The following EIF2AK1 variants were observed in gnomAD, a reference collection of about 807,000 sequenced individuals.
EIF2AK1 encodes the protein eukaryotic translation initiation factor 2-alpha kinase 1.
A neutral mutation model predicts 77.9 loss-of-function variants in EIF2AK1; 54 were observed. The ratio of observed to expected loss-of-function variants is 0.69; its 90% CI spans 0.56 to 0.87. The LOEUF (loss-of-function observed/expected upper bound fraction) is 0.87, where lower values mean the gene tolerates loss of function less well. Ranked by LOEUF, EIF2AK1 falls within the 40% of genes least tolerant of loss-of-function variation. The pLI, the probability that EIF2AK1 is intolerant of heterozygous loss-of-function variation, is 0.00. For missense variants in EIF2AK1, 810 were observed against 768.6 expected (o/e 1.05, Z -0.64); for synonymous variants, 314 against 290.5 (o/e 1.08, Z -0.82).
intron 1 of EIF2AK1, among the ~76,000 whole-genome samples, chr7:6,056,613 A>AATATATATATATATATATAT (rs71008353): frequency 1.5e-3 from 67 of 43,714 alleles, no homozygotes; most frequent in Admixed American, 2.6e-3. Context: ...AAAAAAAAAA[A>AATATATATATATATATATAT]ATATATATAT....
At chr7:6,054,327 C>T (rs1788690157) in intron 2 of EIF2AK1, among the ~76,000 whole-genome samples, 1 of 152,130 alleles carries the variant, frequency 6.6e-6, no homozygotes, top group African/African-American at 2.4e-5. Flanking sequence ...CCTCAGCCTC[C>T]CGAGTAGCTG....
chr7:6,046,023 G>T, intron 6 of EIF2AK1, 48 bp downstream of exon 6: 1 of 1,275,118 alleles, frequency 7.8e-7, no homozygotes, highest in Non-Finnish European at 1.1e-6. Context: ...CTTTCAAAAA[G>T]AACTAAATAC....
chr7:6,036,608 G>C lies in EIF2AK1; in HGVS notation c.1332+816C>G, dbSNP rs1336238316. 1.3e-5 allele frequency among the ~76,000 whole-genome samples: 2 copies of C among 150,152 alleles called. No homozygotes were observed. The stretch of plus-strand genomic sequence containing the variant: ...ATGCCCTTTCCATGATTTAACTTTG[G>C]GCTGAAAAGTAAGCAAATTAATTTA... On this transcript the variant is annotated intron_variant, in intron 11 of 14. Transcript: ENST00000199389. This position sits in a 1 kb window ranked among gnomAD's most constrained non-coding sequence, Gnocchi z 4.6.
rs925213587 is a variant in EIF2AK1 at position 6,032,871 on chromosome 7, T to C, written c.1333-3839A>G. The C allele has an allele frequency of 1.9e-6, 3 of 1,550,958 alleles. No homozygotes were observed. The African/African-American group carries it at 4.1e-5, about 21-fold the overall frequency. ...AGTCTATCATCCCCATCCATCTGGC[T>C]GCCAAGTACCACAAGGCCCAGAGTC... On this transcript the variant is annotated intron_variant, in intron 11 of 14. Coordinates refer to ENST00000199389, the MANE Select transcript of EIF2AK1 (RefSeq NM_014413.4). This position sits in a 1 kb window ranked among gnomAD's most constrained non-coding sequence, Gnocchi z 4.3.
intron 7 of EIF2AK1, among the ~76,000 whole-genome samples, chr7:6,044,331 C>T (rs927835451): frequency 6.6e-6 from 1 of 151,588 alleles, no homozygotes; most frequent in Non-Finnish European, 1.5e-5. Flanking sequence ...GTTAGCTGGC[C>T]GTGGTGGCGG....
rs565255677 is a variant in EIF2AK1, at chr7:6,035,120, C to T, written c.1332+2304G>A. On this transcript the variant is annotated intron_variant, in intron 11 of 14. Coordinates refer to ENST00000199389, the MANE Select transcript of EIF2AK1 (RefSeq NM_014413.4). This position sits in a 1 kb window ranked among gnomAD's most constrained non-coding sequence, Gnocchi z 5.5. ...TGAAGGGACACAGCCCTAGCGGGGA[C>T]GGCACAGGTAAAACAGGCTGCTCCA... 4.5e-4 allele frequency among the ~76,000 whole-genome samples: 68 copies of T among 152,118 alleles called. No individual in the cohort carries two copies. Among genetic ancestry groups the T allele is most frequent in the African/African-American group, 1.4e-3 (59 of 41,472 alleles).
At chr7:6,050,118 G>C (rs2128891257) in intron 2 of EIF2AK1, 73 bp from the exon 3 acceptor site, 1 of 1,229,666 alleles carries the variant, frequency 8.1e-7, no homozygotes, top group South Asian at 1.4e-5. Flanking sequence ...TGTACACAGA[G>C]AATAACGTGT....
Position 6,023,530 on chromosome 7 carries a change from T to C in EIF2AK1, c.*1143A>G. ...GAACTCTGCTCTTGGGAAGAGCCCT[T>C]GGCTCGCTGGGAATGAACTCACCGT... On this transcript the variant is annotated 3_prime_UTR_variant, in exon 15 of 15. Coordinates refer to ENST00000199389, the MANE Select transcript of EIF2AK1 (RefSeq NM_014413.4). 4 of 1,614,226 alleles carry C rather than the reference T, an allele frequency of 2.5e-6. No homozygotes were observed. The highest frequency in any genetic ancestry group is 2.5e-6 in the Non-Finnish European group (3 of 1,180,040).
intron 7 of EIF2AK1, 115 bp downstream of exon 7, chr7:6,044,447 T>A: frequency 2.5e-6 from 2 of 812,504 alleles, no homozygotes; most frequent in Non-Finnish European, 3.8e-6. Context: ...CAAAAAAAAA[T>A]ATGTAAAAAC....
chr7:6,041,562 C>A (rs758440964), intron 8 of EIF2AK1, among the ~76,000 whole-genome samples: 1 of 151,646 alleles, frequency 6.6e-6, no homozygotes, highest in Non-Finnish European at 1.5e-5. Context: ...AAAAAGTCGG[C>A]CGGGTGCAGT....
At chr7:6,054,430 C>T (rs999273783) in intron 2 of EIF2AK1, 116 bp downstream of exon 2, 31 of 1,123,530 alleles carry the variant, frequency 2.8e-5, no homozygotes, top group African/African-American at 1.4e-4. Context: ...TCTCGATCTC[C>T]GGACCTCGGG....
chr7:6,031,646 A>G (rs4724770), intron 11 of EIF2AK1: 1,236,707 of 1,519,166 alleles, frequency 0.81, 505,018 homozygotes, highest in East Asian at 0.93. Context: ...GCTTAGAAAG[A>G]AGCATGATCT....
In EIF2AK1 at chr7:6,035,163, C is replaced by T. The variant is rs986466277; in HGVS notation, c.1332+2261G>A. Among the ~76,000 whole-genome samples, 3 of 151,448 alleles carry T rather than the reference C, an allele frequency of 2.0e-5. No individual in the cohort carries two copies. Among genetic ancestry groups the T allele is most frequent in the African/African-American group, 2.4e-5 (1 of 41,116 alleles). On this transcript the variant is annotated intron_variant, in intron 11 of 14. Transcript: ENST00000199389. The surrounding 1 kb of genome is among the most constrained non-coding windows in gnomAD (Gnocchi z 5.5). ...CTGCTCCAAGAAGCTGGGCCTTCTT[C>T]ACAACATTGTATAAAAGTGAAAATA...
rs1788094321 is a variant in EIF2AK1, at chr7:6,036,356, C to T, written c.1332+1068G>A. On this transcript the variant is annotated intron_variant, in intron 11 of 14. Transcript: ENST00000199389. The surrounding 1 kb of genome is among the most constrained non-coding windows in gnomAD (Gnocchi z 4.6). ...CAGTGACAATATGGAATTCTGTCTA[C>T]TGCTGTTATGACTTGGCATATACCT... is the stretch of plus-strand genomic sequence containing the variant. 3 of 1,521,242 alleles carry T rather than the reference C, an allele frequency of 2.0e-6. No individual in the cohort carries two copies. Among genetic ancestry groups the T allele is most frequent in the Non-Finnish European group, 8.8e-7 (1 of 1,135,508 alleles). The allele number at this position is 1,521,242 out of a possible 1,614,324, so 94.2% of individuals were successfully genotyped here. A position where few individuals can be genotyped will look rare whatever the true frequency, so the allele number is the denominator to read the frequency against.
intron 4 of EIF2AK1, chr7:6,047,616 T>C (rs1788483090): frequency 6.0e-6 from 1 of 166,910 alleles, no homozygotes; most frequent in African/African-American, 2.4e-5. Flanking sequence ...GAGATTGCAG[T>C]GAGCCGAGAT....
intron 1 of EIF2AK1, chr7:6,058,262 A>T (rs1179909133): frequency 1.2e-5 from 5 of 422,892 alleles, no homozygotes; most frequent in East Asian, 7.1e-5. Context: ...AAAAAAAATT[A>T]AAAAATTAGC....
Position 6,026,866 on chromosome 7 carries a change from A to C in EIF2AK1, c.1626T>G (p.Thr542=). Residue 542 remains threonine, a synonymous_variant, in exon 14 of 15, where the codon ACT becomes ACG. Transcript: ENST00000199389. Reference sequence around the variant, plus strand: ...TACGGAGGGATTCCGGCAACTGACCAGTTCTTAAACCTGTTAGAACTTCTG... The same window carrying C: ...TACGGAGGGATTCCGGCAACTGACCCGTTCTTAAACCTGTTAGAACTTCTG... ...ERAEVLTGLR[T]GQLPESLRKR... 2 of 1,614,208 alleles carry C rather than the reference A, an allele frequency of 1.2e-6. No homozygotes were observed. The highest frequency in any genetic ancestry group is 1.7e-6 in the Non-Finnish European group (2 of 1,180,044).
chr7:6,048,074 G>C (rs976056270), intron 4 of EIF2AK1: 2 of 152,132 alleles, frequency 1.3e-5, no homozygotes, highest in African/African-American at 4.8e-5. Context: ...TTTTAATGTA[G>C]AGTGCTTTAT....
intron 14 of EIF2AK1, among the ~76,000 whole-genome samples, chr7:6,025,256 T>C (rs1349238507): frequency 6.6e-6 from 1 of 152,192 alleles, no homozygotes; most frequent in Non-Finnish European, 1.5e-5. Flanking sequence ...CCCCTTCATA[T>C]ATGAAGATAA....
Sources: gnomAD v4.1 joint callset for allele counts (sites outside exome capture counted in the v4.1 genomes callset) on GRCh38, gnomAD v4.1.1 for gene constraint, Gnocchi (gnomAD v3.1) non-coding constraint, MANE v1.5 for transcripts, NCBI Gene and HGNC (gene_info 2026-07-23, HGNC 2026-07-21) for gene names.